The following RHBDD1 variants were observed in gnomAD, a reference collection of about 807,000 sequenced individuals.
RHBDD1 encodes rhomboid domain containing 1.
Under a neutral mutation model 36.3 loss-of-function variants are expected in RHBDD1, and 38 were observed. That is an observed-to-expected ratio of 1.05 (90% CI 0.81 to 1.37). RHBDD1 has a LOEUF of 1.37. Among genes scored for constraint, RHBDD1 ranks in the 40% most tolerant of loss-of-function variants. The pLI is 0.00. For synonymous variants in RHBDD1, 151 were observed against 136.5 expected, an observed-to-expected ratio of 1.11 and a Z score of -0.74; for missense variants, 393 against 377.6, an observed-to-expected ratio of 1.04 and a Z score of -0.34.
intron 8 of RHBDD1, among the ~76,000 whole-genome samples, chr2:226,924,076 A>C (rs1575116463): frequency 6.6e-6 from 1 of 152,070 alleles, no homozygotes; most frequent in Admixed American, 6.5e-5. Flanking sequence ...AAGCAGAAGG[A>C]GTCTCTCCCC....
intron 8 of RHBDD1, among the ~76,000 whole-genome samples, chr2:226,989,687 T>C (rs2149544710): frequency 6.6e-6 from 1 of 152,338 alleles, no homozygotes; most frequent in South Asian, 2.1e-4. Context: ...CCTGACATAG[T>C]GGACCTGATG....
At chr2:226,843,597 A>G (rs1006543903) in intron 3 of RHBDD1, among the ~76,000 whole-genome samples, 1 of 152,172 alleles carries the variant, frequency 6.6e-6, no homozygotes, top group Non-Finnish European at 1.5e-5. Flanking sequence ...TGTTGAACCA[A>G]CCTGGCACCC....
In RHBDD1 at chr2:226,949,167, G is replaced by A. The variant is rs534630986; in HGVS notation, c.856+34816G>A. On this transcript the variant is annotated intron_variant, in intron 8 of 8. Coordinates refer to ENST00000392062, the MANE Select transcript of RHBDD1 (RefSeq NM_001167608.3). ...AAAAACATTCCATGCTCATGGATAGGAAGAATCAATATCGTGAAAATGGCC... is the reference window on the plus strand; with the variant it reads ...AAAAACATTCCATGCTCATGGATAGAAAGAATCAATATCGTGAAAATGGCC... 2.6e-5 allele frequency among the ~76,000 whole-genome samples: 4 copies of A among 152,294 alleles called. No individual in the cohort carries two copies. In the South Asian group the frequency reaches 8.3e-4, roughly 32 times the overall value.
intron 8 of RHBDD1, among the ~76,000 whole-genome samples, chr2:226,924,699 G>A (rs1273410764): frequency 6.6e-6 from 1 of 152,198 alleles, no homozygotes; most frequent in African/African-American, 2.4e-5. Context: ...TGACCACTGG[G>A]ATGGGCAATT....
intron 8 of RHBDD1, among the ~76,000 whole-genome samples, chr2:226,993,415 G>C (rs1275366299): frequency 6.6e-6 from 1 of 152,178 alleles, no homozygotes; most frequent in African/African-American, 2.4e-5. Context: ...ACTCACAAGT[G>C]CAATTAAGAC....
At chr2:226,844,911 C>A (rs1157969085) in intron 3 of RHBDD1, among the ~76,000 whole-genome samples, 1 of 152,176 alleles carries the variant, frequency 6.6e-6, no homozygotes, top group Non-Finnish European at 1.5e-5. Flanking sequence ...CTGGTAATTT[C>A]ATTTTTTAGC....
At chr2:226,811,365 G>A in the RHBDD1 span, among the ~76,000 whole-genome samples, 2 of 152,190 alleles carry the variant, frequency 1.3e-5, no homozygotes, top group Admixed American at 6.5e-5. Flanking sequence ...GCAGTAGCAC[G>A]ATCTTGGCTC....
chr2:226,882,092 A>T (rs759103520), intron 5 of RHBDD1, among the ~76,000 whole-genome samples: 15 of 152,260 alleles, frequency 9.9e-5, no homozygotes, highest in Non-Finnish European at 2.2e-4. Flanking sequence ...CAGATTTATC[A>T]TACATCATAG....
the RHBDD1 span, among the ~76,000 whole-genome samples, chr2:226,812,275 C>T: frequency 6.6e-6 from 1 of 152,200 alleles, no homozygotes; most frequent in Non-Finnish European, 1.5e-5. Flanking sequence ...GTTTGTACAA[C>T]TTCTCTGTAT....
the RHBDD1 span, among the ~76,000 whole-genome samples, chr2:226,802,438 G>T: frequency 2.0e-5 from 3 of 152,034 alleles, no homozygotes; most frequent in African/African-American, 4.8e-5. Flanking sequence ...AAATTCAATT[G>T]TTCTCTACAA....
chr2:226,898,213 C>T (rs774685157), intron 5 of RHBDD1, among the ~76,000 whole-genome samples: 3 of 152,154 alleles, frequency 2.0e-5, no homozygotes, highest in African/African-American at 7.2e-5. Flanking sequence ...TGGCAGAATG[C>T]GACCTACTTG....
At chr2:226,992,552 C>T (rs1022400000) in intron 8 of RHBDD1, among the ~76,000 whole-genome samples, 6 of 152,146 alleles carry the variant, frequency 3.9e-5, no homozygotes, top group African/African-American at 1.2e-4. Flanking sequence ...TCTAGAAAGC[C>T]GAACCATGCT....
the RHBDD1 span, among the ~76,000 whole-genome samples, chr2:226,809,888 T>C: frequency 2.0e-5 from 3 of 152,296 alleles, no homozygotes; most frequent in Admixed American, 2.0e-4. Context: ...TAGTTTTAAG[T>C]TGGAAAATGT....
chr2:226,871,919 A>C (rs1048779624), intron 5 of RHBDD1, among the ~76,000 whole-genome samples: 17 of 152,210 alleles, frequency 1.1e-4, no homozygotes, highest in African/African-American at 4.1e-4. Context: ...TGGAATTAGC[A>C]AGTACTATAT....
At chr2:226,889,981 G>C (rs1384490033) in intron 5 of RHBDD1, among the ~76,000 whole-genome samples, 1 of 152,174 alleles carries the variant, frequency 6.6e-6, no homozygotes, top group African/African-American at 2.4e-5. Flanking sequence ...TTAAAAGATT[G>C]CACAAGACAA....
At chr2:226,911,259 C>G in intron 7 of RHBDD1, among the ~76,000 whole-genome samples, 1 of 151,948 alleles carries the variant, frequency 6.6e-6, no homozygotes, top group East Asian at 1.9e-4. Flanking sequence ...AGAAATGCTG[C>G]GTAGATCTTA....
chr2:226,950,311 CTTATT>C lies in RHBDD1; in HGVS notation c.856+35967_856+35971del, dbSNP rs375830296. On this transcript the variant is annotated intron_variant, in intron 8 of 8. Transcript: ENST00000392062. ...ACAGTATTTGTCTTTCTGTGCCTGGCTTATTTTATTTAATGTATTGTCCTCCAGTT... is the reference window on the plus strand; with the variant it reads ...ACAGTATTTGTCTTTCTGTGCCTGGCTTATTTAATGTATTGTCCTCCAGTT... Among the ~76,000 whole-genome samples the C allele has an allele frequency of 5.3e-3, 813 of 152,248 alleles. 5 individuals carry two copies. The highest frequency in any genetic ancestry group is 0.043 in the South Asian group (207 of 4,830).
the RHBDD1 span, among the ~76,000 whole-genome samples, chr2:226,801,187 A>G: frequency 6.6e-6 from 1 of 152,142 alleles, no homozygotes; most frequent in African/African-American, 2.4e-5. Context: ...GGCGCTGGGC[A>G]TGCTCAGTGG....
At chr2:226,844,730 G>T (rs1173354403) in intron 3 of RHBDD1, among the ~76,000 whole-genome samples, 1 of 152,092 alleles carries the variant, frequency 6.6e-6, no homozygotes, top group African/African-American at 2.4e-5. Flanking sequence ...GGTCTGAAGG[G>T]CTGTCAGTTG....
Sources: gnomAD v4.1 joint callset for allele counts (sites outside exome capture counted in the v4.1 genomes callset) on GRCh38, gnomAD v4.1.1 for gene constraint, MANE v1.5 for transcripts, NCBI Gene and HGNC (gene_info 2026-07-23, HGNC 2026-07-21) for gene names.